Variants in ZBTB7C observed in about 807,000 individuals in gnomAD.
The protein encoded by ZBTB7C is zinc finger and BTB domain-containing protein 7C.
In ZBTB7C, 8 loss-of-function variants were observed where a neutral mutation model predicts 25.7. The observed-to-expected ratio is 0.31, with a 90% CI of 0.18 to 0.56. The LOEUF (loss-of-function observed/expected upper bound fraction) is 0.56, where lower values mean the gene tolerates loss of function less well. ZBTB7C is among the 20% of genes least tolerant of loss of function. ZBTB7C has a pLI of 0.91. For missense variants in ZBTB7C, 824 were observed against 855.2 expected (o/e 0.96, Z 0.46); for synonymous variants, 394 against 369.0 (o/e 1.07, Z -0.78).
intron 3 of ZBTB7C, among the ~76,000 whole-genome samples, chr18:48,061,040 G>T (rs2037107571): frequency 6.6e-6 from 1 of 152,152 alleles, no homozygotes; most frequent in Non-Finnish European, 1.5e-5. Flanking sequence ...AGGGACAGGG[G>T]TATGACCCTG....
At chr18:48,382,917 C>T (rs956016446) in intron 1 of ZBTB7C, among the ~76,000 whole-genome samples, 2 of 152,180 alleles carry the variant, frequency 1.3e-5, no homozygotes, top group Non-Finnish European at 2.9e-5. Flanking sequence ...GTATGCCCTG[C>T]AACTTGAAAA....
At chr18:48,255,052 A>G (rs2043983292) in intron 2 of ZBTB7C, among the ~76,000 whole-genome samples, 1 of 152,214 alleles carries the variant, frequency 6.6e-6, no homozygotes, top group Admixed American at 6.5e-5. Flanking sequence ...GCAAGGTCCA[A>G]CAGGGTCAAA....
chr18:48,246,291 G>A (rs1001139372), intron 2 of ZBTB7C, among the ~76,000 whole-genome samples: 9 of 152,018 alleles, frequency 5.9e-5, no homozygotes, highest in African/African-American at 1.7e-4. Flanking sequence ...TTAGCCGGGC[G>A]TGGTGGCGGG....
In ZBTB7C at chr18:48,407,785, C is replaced by T. The variant is rs919581597; in HGVS notation, c.-304+1441G>A. On this transcript the variant is annotated intron_variant, in intron 1 of 4. Coordinates refer to ENST00000590800, the MANE Select transcript of ZBTB7C (RefSeq NM_001318841.2). ...TGTGGGGGCAGGGAGCGGGAGCCAC[C>T]GGACCAAGGAGAATGAAGGACTGAG... 5.9e-5 allele frequency among the ~76,000 whole-genome samples: 9 copies of T among 152,158 alleles called. No individual in the cohort carries two copies. In the South Asian group the frequency reaches 1.7e-3, roughly 28 times the overall value.
chr18:48,315,721 T>C (rs1018114060), intron 2 of ZBTB7C, among the ~76,000 whole-genome samples: 3 of 152,112 alleles, frequency 2.0e-5, no homozygotes, highest in Non-Finnish European at 4.4e-5. Flanking sequence ...ACAATTGTGC[T>C]CCACCCCCAT....
intron 3 of ZBTB7C, among the ~76,000 whole-genome samples, chr18:48,056,877 CTAAA>C (rs1470456959): frequency 6.6e-6 from 1 of 151,728 alleles, no homozygotes; most frequent in Non-Finnish European, 1.5e-5. Flanking sequence ...TTAAATTTGA[CTAAA>C]TAATGATTTA....
chr18:48,325,526 G>C, intron 2 of ZBTB7C, among the ~76,000 whole-genome samples: 1 of 152,210 alleles, frequency 6.6e-6, no homozygotes. Flanking sequence ...CTGAGTAATA[G>C]GAATGTGCAC....
At chr18:48,057,339 A>G (rs1180531720) in intron 3 of ZBTB7C, among the ~76,000 whole-genome samples, 1 of 152,200 alleles carries the variant, frequency 6.6e-6, no homozygotes, top group Non-Finnish European at 1.5e-5. Context: ...GGAAGTAAAC[A>G]GTATATCCAT....
chr18:48,120,329 A>T (rs2039586820), intron 3 of ZBTB7C, among the ~76,000 whole-genome samples: 1 of 152,156 alleles, frequency 6.6e-6, no homozygotes, highest in South Asian at 2.1e-4. Flanking sequence ...GAGGCGAAAG[A>T]AGTGGTCAGG....
intron 2 of ZBTB7C, among the ~76,000 whole-genome samples, chr18:48,255,844 C>T (rs1439484281): frequency 6.6e-6 from 1 of 152,292 alleles, no homozygotes; most frequent in African/African-American, 2.4e-5. Context: ...GAAAAATACA[C>T]TGGATAGAAT....
At chr18:48,318,227 TA>T (rs1167859497) in intron 2 of ZBTB7C, among the ~76,000 whole-genome samples, 1 of 151,250 alleles carries the variant, frequency 6.6e-6, no homozygotes, top group African/African-American at 2.4e-5. Flanking sequence ...AAAAAAAACC[TA>T]AAAAAACAAC....
chr18:48,405,279 A>G (rs2048253909), intron 1 of ZBTB7C, among the ~76,000 whole-genome samples: 1 of 152,160 alleles, frequency 6.6e-6, no homozygotes, highest in African/African-American at 2.4e-5. Flanking sequence ...TATTTGGGGC[A>G]GAGTCAGGGG....
chr18:48,352,419 T>C (rs2046885988), intron 1 of ZBTB7C, among the ~76,000 whole-genome samples: 1 of 152,228 alleles, frequency 6.6e-6, no homozygotes, highest in African/African-American at 2.4e-5. Context: ...TGTCCTAAAA[T>C]GCCACCCAGG....
intron 2 of ZBTB7C, among the ~76,000 whole-genome samples, chr18:48,282,815 T>C (rs1406785081): frequency 6.6e-6 from 1 of 152,188 alleles, no homozygotes; most frequent in African/African-American, 2.4e-5. Flanking sequence ...GATTAAGCTA[T>C]GATGTTAAAA....
chr18:48,379,954 G>A (rs990938203), intron 1 of ZBTB7C, among the ~76,000 whole-genome samples: 3 of 152,094 alleles, frequency 2.0e-5, no homozygotes, highest in Non-Finnish European at 4.4e-5. Flanking sequence ...GCTATTTAGG[G>A]TCATGAAACT....
chr18:48,081,883 T>C (rs1331910945), intron 3 of ZBTB7C, among the ~76,000 whole-genome samples: 2 of 152,176 alleles, frequency 1.3e-5, no homozygotes, highest in African/African-American at 2.4e-5. Flanking sequence ...AAAAAAAAGA[T>C]AGATATAGCA....
intron 3 of ZBTB7C, chr18:48,149,366 C>T (rs922366258): frequency 2.6e-5 from 4 of 152,218 alleles, no homozygotes; most frequent in East Asian, 1.9e-4. Flanking sequence ...TGACACCCTC[C>T]GGGAAAGCAT....
intron 2 of ZBTB7C, among the ~76,000 whole-genome samples, chr18:48,332,294 C>T (rs760540002): frequency 6.6e-6 from 1 of 152,206 alleles, no homozygotes; most frequent in African/African-American, 2.4e-5. Context: ...TGGCCTTCCA[C>T]AAGTCCTTGG....
At chr18:48,121,712 T>C (rs912404536) in intron 3 of ZBTB7C, among the ~76,000 whole-genome samples, 4 of 152,132 alleles carry the variant, frequency 2.6e-5, no homozygotes, top group Non-Finnish European at 5.9e-5. Flanking sequence ...GCAAGACTGA[T>C]GGTGTGAGCC....
Sources: gnomAD v4.1 joint callset for allele counts (sites outside exome capture counted in the v4.1 genomes callset) on GRCh38, gnomAD v4.1.1 for gene constraint, MANE v1.5 for transcripts, NCBI Gene and HGNC (gene_info 2026-07-23, HGNC 2026-07-21) for gene names.